TAS2R1: variants seen among roughly 807,000 people sequenced by gnomAD.
TAS2R1 encodes the protein taste receptor type 2 member 1.
For synonymous variants in TAS2R1, 141 were observed against 134.2 expected, an observed-to-expected ratio of 1.05 and a Z score of -0.35; for missense variants, 370 against 353.4, an observed-to-expected ratio of 1.05 and a Z score of -0.38.
At chr5:9,765,854 A>G in the TAS2R1 span, among the ~76,000 whole-genome samples, 1 of 152,248 alleles carries the variant, frequency 6.6e-6, no homozygotes, top group Non-Finnish European at 1.5e-5. Flanking sequence ...CATGTCCCAC[A>G]AGGACATAGA....
chr5:9,770,047 G>A, the TAS2R1 span, among the ~76,000 whole-genome samples: 1 of 152,014 alleles, frequency 6.6e-6, no homozygotes, highest in Non-Finnish European at 1.5e-5. Context: ...TTCATAGTTT[G>A]GGTATTAAAT....
chr5:9,838,211 T>A, the TAS2R1 span, among the ~76,000 whole-genome samples: 1 of 152,058 alleles, frequency 6.6e-6, no homozygotes, highest in East Asian at 1.9e-4. Context: ...GGGGTCTGAG[T>A]ATCTGTAAAA....
chr5:9,705,433 A>T (rs1741582009), intron 1 of TAS2R1, among the ~76,000 whole-genome samples: 1 of 152,232 alleles, frequency 6.6e-6, no homozygotes, highest in Non-Finnish European at 1.5e-5. Flanking sequence ...GTAAACTAAA[A>T]TTAAAATTCA....
At chr5:9,878,703 C>A in the TAS2R1 span, among the ~76,000 whole-genome samples, 240 of 152,290 alleles carry the variant, frequency 1.6e-3, no homozygotes, top group African/African-American at 4.2e-3. Context: ...TGGGCTTCCT[C>A]CAAATGCAGT....
the TAS2R1 span, among the ~76,000 whole-genome samples, chr5:9,730,763 G>A: frequency 2.0e-5 from 3 of 152,098 alleles, no homozygotes; most frequent in African/African-American, 7.2e-5. Context: ...TAATTCCCAC[G>A]TGTTGTAGGA....
chr5:9,893,070 G>T, the TAS2R1 span, among the ~76,000 whole-genome samples: 2 of 152,162 alleles, frequency 1.3e-5, no homozygotes, highest in Admixed American at 6.5e-5. Flanking sequence ...CTGGGATAGG[G>T]TCCTGGCAGC....
the TAS2R1 span, among the ~76,000 whole-genome samples, chr5:9,778,398 G>A: frequency 6.6e-6 from 1 of 152,092 alleles, no homozygotes; most frequent in African/African-American, 2.4e-5. Flanking sequence ...AATGAGCCCT[G>A]GCTTCAACTT....
chr5:9,726,728 C>T, the TAS2R1 span, among the ~76,000 whole-genome samples: 1 of 152,180 alleles, frequency 6.6e-6, no homozygotes, highest in African/African-American at 2.4e-5. Context: ...TCAGTGAGAC[C>T]AAGAACCCAC....
chr5:9,680,033 T>C (rs1407815103), intron 1 of TAS2R1, among the ~76,000 whole-genome samples: 1 of 152,066 alleles, frequency 6.6e-6, no homozygotes, highest in Non-Finnish European at 1.5e-5. Context: ...AGTCAGATAG[T>C]AAGGAAGTGT....
At chr5:9,707,220 G>A (rs184808085) in intron 1 of TAS2R1, among the ~76,000 whole-genome samples, 1 of 152,282 alleles carries the variant, frequency 6.6e-6, no homozygotes, top group Admixed American at 6.5e-5. Context: ...GTGGAGCTGG[G>A]AGAAGAATGA....
At chr5:9,759,788 A>G in the TAS2R1 span, among the ~76,000 whole-genome samples, 1 of 152,184 alleles carries the variant, frequency 6.6e-6, no homozygotes, top group South Asian at 2.1e-4. Context: ...CAACTATAAG[A>G]TTTTGAGTAT....
chr5:9,876,313 G>C, the TAS2R1 span, among the ~76,000 whole-genome samples: 1 of 152,060 alleles, frequency 6.6e-6, no homozygotes, highest in African/African-American at 2.4e-5. Flanking sequence ...GCTGCATTCA[G>C]AGGACACGTG....
chr5:9,704,588 G>C (rs61479840), intron 1 of TAS2R1, among the ~76,000 whole-genome samples: 1 of 152,064 alleles, frequency 6.6e-6, no homozygotes, highest in Non-Finnish European at 1.5e-5. Flanking sequence ...TTTCAAAAAG[G>C]ATAAGGAAAA....
intron 2 of TAS2R1, among the ~76,000 whole-genome samples, chr5:9,637,139 T>C (rs1378874599): frequency 1.3e-5 from 2 of 152,302 alleles, no homozygotes; most frequent in South Asian, 2.1e-4. Context: ...CAAATTCTCT[T>C]AGCATTTATT....
At chr5:9,723,476 C>T in the TAS2R1 span, among the ~76,000 whole-genome samples, 1 of 152,188 alleles carries the variant, frequency 6.6e-6, no homozygotes, top group African/African-American at 2.4e-5. Flanking sequence ...CTCCTCAACT[C>T]CTGCCACACC....
At chr5:9,715,191 G>A (rs908844505), upstream of TAS2R1, among the ~76,000 whole-genome samples, 14 of 152,154 alleles carry the variant, frequency 9.2e-5, no homozygotes, top group African/African-American at 1.7e-4. Context: ...AGAACTAAAC[G>A]TGTGTGTGTG....
chr5:9,858,860 C>T, the TAS2R1 span, among the ~76,000 whole-genome samples: 344 of 152,200 alleles, frequency 2.3e-3, 1 homozygote, highest in Non-Finnish European at 3.7e-3. Flanking sequence ...AAATAATTTG[C>T]AAAAGAAAAT....
chr5:9,713,502 T>C (rs1421033822), upstream of TAS2R1, among the ~76,000 whole-genome samples: 1 of 152,182 alleles, frequency 6.6e-6, no homozygotes, highest in Non-Finnish European at 1.5e-5. Context: ...TACTTTGTGC[T>C]AACACCAAAA....
chr5:9,632,928 T>C (rs1201390413), upstream of TAS2R1, among the ~76,000 whole-genome samples: 2 of 152,072 alleles, frequency 1.3e-5, no homozygotes, highest in Admixed American at 1.3e-4. Flanking sequence ...CTTAGTGGTA[T>C]CTAAAATGGT....
Sources: gnomAD v4.1 joint callset for allele counts (sites outside exome capture counted in the v4.1 genomes callset) on GRCh38, gnomAD v4.1.1 for gene constraint, MANE v1.5 for transcripts, NCBI Gene and HGNC (gene_info 2026-07-23, HGNC 2026-07-21) for gene names.